The following NOC3L variants were observed in gnomAD, a reference collection of about 807,000 sequenced individuals.
NOC3L encodes the protein nucleolar complex protein 3 homolog.
Under a neutral mutation model 102.5 loss-of-function variants are expected in NOC3L, and 85 were observed. The ratio of observed to expected loss-of-function variants is 0.83; its 90% CI spans 0.70 to 0.99. NOC3L has a LOEUF of 0.99. Among genes scored for constraint, NOC3L ranks in the 50% least tolerant of loss-of-function variants. NOC3L has a pLI of 0.00. For synonymous variants in NOC3L, 303 were observed against 309.4 expected, an observed-to-expected ratio of 0.98 and a Z score of 0.22; for missense variants, 878 against 914.9, an observed-to-expected ratio of 0.96 and a Z score of 0.52.
chr10:94,360,221 C>T (rs771942066), intron 2 of NOC3L, among the ~76,000 whole-genome samples: 60 of 152,210 alleles, frequency 3.9e-4, no homozygotes, highest in Non-Finnish European at 8.2e-4. Context: ...GAGGCTAAGG[C>T]AGGAGAATCA....
At chr10:94,323,049 A>G in the NOC3L span, among the ~76,000 whole-genome samples, 1 of 152,328 alleles carries the variant, frequency 6.6e-6, no homozygotes, top group South Asian at 2.1e-4. Context: ...TTGGATCTCT[A>G]TAAAGCATTG....
At chr10:94,361,512 G>C in intron 2 of NOC3L, 153 bp downstream of exon 2, 1 of 659,678 alleles carries the variant, frequency 1.5e-6, no homozygotes. Flanking sequence ...AAGCATATAT[G>C]CTTTATAGCA....
intron 19 of NOC3L, among the ~76,000 whole-genome samples, chr10:94,335,173 G>A (rs531004260): frequency 2.6e-5 from 4 of 152,268 alleles, no homozygotes; most frequent in East Asian, 3.9e-4. Context: ...TACCCATGGC[G>A]TGTAAATGAA....
chr10:94,335,231 A>AG (rs2054205132), intron 19 of NOC3L, among the ~76,000 whole-genome samples: 1 of 152,198 alleles, frequency 6.6e-6, no homozygotes, highest in Non-Finnish European at 1.5e-5. Context: ...CACATAGGCA[A>AG]GGGCCTACGA....
chr10:94,353,948 G>A (rs2134006569), intron 6 of NOC3L, among the ~76,000 whole-genome samples: 1 of 152,282 alleles, frequency 6.6e-6, no homozygotes, highest in South Asian at 2.1e-4. Flanking sequence ...TGTGAGCACA[G>A]GTTCCTGAGT....
the NOC3L span, among the ~76,000 whole-genome samples, chr10:94,319,921 G>A: frequency 2.1e-5 from 3 of 141,486 alleles, no homozygotes; most frequent in Non-Finnish European, 4.5e-5. Context: ...CCAGGCTGGA[G>A]TGCAGTGGCG....
chr10:94,343,387 C>T (rs1564911624), intron 13 of NOC3L, among the ~76,000 whole-genome samples: 1 of 152,062 alleles, frequency 6.6e-6, no homozygotes, highest in Non-Finnish European at 1.5e-5. Flanking sequence ...TATTTAAAAA[C>T]AAAAATAAAA....
chr10:94,329,798 A>AAC (rs2054136732), downstream of NOC3L: 1 of 150,486 alleles, frequency 6.6e-6, no homozygotes, highest in African/African-American at 2.4e-5. Context: ...AAAAAAAAAA[A>AAC]AAAAAAAAAA....
At chr10:94,326,500 C>A in the NOC3L span, among the ~76,000 whole-genome samples, 1 of 152,108 alleles carries the variant, frequency 6.6e-6, no homozygotes, top group Admixed American at 6.5e-5. Context: ...TTATACACAC[C>A]TCTATAACTT....
chr10:94,324,175 AATTAC>A, the NOC3L span, among the ~76,000 whole-genome samples: 3 of 152,330 alleles, frequency 2.0e-5, no homozygotes, highest in East Asian at 3.9e-4. Flanking sequence ...TAACGTGGGA[AATTAC>A]ATTACAAGCT....
At position 94,361,714 on chromosome 10, in the gene NOC3L, A is replaced by T; in HGVS notation, c.168T>A (p.Ala56=). The T allele has an allele frequency of 6.2e-7, 1 of 1,614,170 alleles. No individual in the cohort carries two copies. Among genetic ancestry groups the T allele is most frequent in the Non-Finnish European group, 8.5e-7 (1 of 1,180,024 alleles). Residue 56 remains alanine, a synonymous_variant, in exon 2 of 21, where the codon GCT becomes GCA. Coordinates refer to ENST00000371361, the MANE Select transcript of NOC3L (RefSeq NM_022451.11). ...QRKLRQAVKD[A]VSKKPIPLEN... Reference sequence around the variant, plus strand: ...CCAATGGAATGGGTTTCTTAGACACAGCATCTTTCACAGCTTGCCTTAGTT... The same window carrying T: ...CCAATGGAATGGGTTTCTTAGACACTGCATCTTTCACAGCTTGCCTTAGTT...
At chr10:94,322,839 C>T in the NOC3L span, among the ~76,000 whole-genome samples, 1 of 151,976 alleles carries the variant, frequency 6.6e-6, no homozygotes, top group Non-Finnish European at 1.5e-5. Context: ...ACCTGTAGTC[C>T]CTGCTACTCA....
chr10:94,328,344 G>C (rs1012747218), downstream of NOC3L: 7 of 160,886 alleles, frequency 4.4e-5, no homozygotes, highest in African/African-American at 1.7e-4. Context: ...ACACATACAT[G>C]AACGAACGTG....
At chr10:94,346,637 A>G in intron 10 of NOC3L, 81 bp from the exon 11 acceptor site, 2 of 789,396 alleles carry the variant, frequency 2.5e-6, no homozygotes, top group Non-Finnish European at 3.6e-6. Context: ...AGCATTTAAC[A>G]GTGTTATTTC....
intron 19 of NOC3L, among the ~76,000 whole-genome samples, chr10:94,337,380 G>A (rs1322446321): frequency 2.7e-5 from 4 of 150,326 alleles, no homozygotes; most frequent in Non-Finnish European, 4.4e-5. Context: ...AAGACCGAGC[G>A]AGCGAGAAAG....
chr10:94,334,855 G>C, intron 19 of NOC3L, 137 bp from the exon 20 acceptor site: 1 of 636,202 alleles, frequency 1.6e-6, no homozygotes, highest in South Asian at 2.1e-5. Context: ...AACCAATCCA[G>C]TCACTTAACA....
downstream of NOC3L, chr10:94,331,494 T>C (rs2054155286): frequency 6.6e-6 from 1 of 152,218 alleles, no homozygotes; most frequent in Non-Finnish European, 1.5e-5. Flanking sequence ...TATGCTCCCA[T>C]GCTAGTAAAG....
chr10:94,327,209 T>C, the NOC3L span, among the ~76,000 whole-genome samples: 1 of 152,210 alleles, frequency 6.6e-6, no homozygotes, highest in East Asian at 1.9e-4. Flanking sequence ...TGCATCTATG[T>C]GAATTGACAT....
intron 13 of NOC3L, among the ~76,000 whole-genome samples, chr10:94,342,509 C>A (rs1360776736): frequency 6.6e-6 from 1 of 151,200 alleles, no homozygotes; most frequent in Non-Finnish European, 1.5e-5. Flanking sequence ...TTAAAATGAG[C>A]ATACCCTTTG....
Sources: gnomAD v4.1 joint callset for allele counts (sites outside exome capture counted in the v4.1 genomes callset) on GRCh38, gnomAD v4.1.1 for gene constraint, MANE v1.5 for transcripts, NCBI Gene and HGNC (gene_info 2026-07-23, HGNC 2026-07-21) for gene names.